Variants in USP18 observed in about 807,000 individuals in gnomAD.
The protein encoded by USP18 is ubl carboxyl-terminal hydrolase 18.
A neutral mutation model predicts 48.7 loss-of-function variants in USP18; 11 were observed. The observed-to-expected ratio is 0.23, with a 90% confidence interval of 0.14 to 0.37. USP18 has a LOEUF of 0.37. Ranked by LOEUF, USP18 falls within the 10% of genes least tolerant of loss-of-function variation. The probability of loss-of-function intolerance (pLI) is 1.00; values close to 1 mark genes in which losing one functional copy is unlikely to be tolerated. For missense variants in USP18, 285 were observed against 436.4 expected, an observed-to-expected ratio of 0.65 and a Z score of 3.09; for synonymous variants, 114 against 163.2, an observed-to-expected ratio of 0.70 and a Z score of 2.30.
chr22:18,156,084 A>G (rs1276861305), intron 1 of USP18, among the ~76,000 whole-genome samples: 1 of 152,206 alleles, frequency 6.6e-6, no homozygotes, highest in Non-Finnish European at 1.5e-5. Context: ...GGGTTTGTGA[A>G]TGCACCAGTC....
At chr22:18,163,449 CT>C (rs1470336006) in intron 4 of USP18, among the ~76,000 whole-genome samples, 5 of 152,124 alleles carry the variant, frequency 3.3e-5, no homozygotes, top group African/African-American at 9.6e-5. Context: ...GGAGACCATC[CT>C]GGCTAACACG....
At chr22:18,171,652 TA>T (rs991088357) in intron 8 of USP18, among the ~76,000 whole-genome samples, 20 of 146,010 alleles carry the variant, frequency 1.4e-4, no homozygotes, top group South Asian at 2.2e-4. Flanking sequence ...CAAGAAAAAC[TA>T]AAAAAAAAAG....
intron 4 of USP18, among the ~76,000 whole-genome samples, chr22:18,164,911 T>A (rs1011218808): frequency 3.9e-5 from 6 of 152,038 alleles, no homozygotes; most frequent in Non-Finnish European, 8.8e-5. Context: ...GATTCCTTCC[T>A]CACAGTAAGG....
At chr22:18,173,449 G>A (rs1321352039) in intron 9 of USP18, among the ~76,000 whole-genome samples, 168 bp downstream of exon 9, 1 of 152,156 alleles carries the variant, frequency 6.6e-6, no homozygotes, top group Non-Finnish European at 1.5e-5. Flanking sequence ...AAGTCCCCAT[G>A]TGGTTTGCAC....
intron 4 of USP18, among the ~76,000 whole-genome samples, chr22:18,164,335 T>TG (rs1929414780): frequency 6.6e-6 from 1 of 151,820 alleles, no homozygotes; most frequent in Admixed American, 6.6e-5. Context: ...GCACTGGGCC[T>TG]GGGGGGATGT....
At chr22:18,171,860 A>C (rs1190493224) in intron 8 of USP18, among the ~76,000 whole-genome samples, 14 of 152,102 alleles carry the variant, frequency 9.2e-5, no homozygotes, top group East Asian at 5.8e-4. Context: ...TGATTTCTTT[A>C]CCTACTTAGG....
chr22:18,159,427 CT>C (rs200610172), intron 2 of USP18, among the ~76,000 whole-genome samples: 3,179 of 152,054 alleles, frequency 0.021, 119 homozygotes, highest in African/African-American at 0.072. Flanking sequence ...TGAATGAACA[CT>C]TCGTACTTGA....
intron 9 of USP18, among the ~76,000 whole-genome samples, chr22:18,173,487 T>C (rs1437988833): frequency 1.3e-5 from 2 of 152,160 alleles, no homozygotes; most frequent in African/African-American, 4.8e-5. Context: ...TCACTTCACT[T>C]CTAAGTTTTT....
At chr22:18,154,591 C>T (rs1195929335) in intron 1 of USP18, among the ~76,000 whole-genome samples, 4 of 148,684 alleles carry the variant, frequency 2.7e-5, no homozygotes, top group African/African-American at 7.5e-5. Context: ...GGGCCACAGG[C>T]GTGCACCACT....
At chr22:18,161,156 T>C (rs142846420) in intron 3 of USP18, among the ~76,000 whole-genome samples, 1 of 151,276 alleles carries the variant, frequency 6.6e-6, no homozygotes, top group Non-Finnish European at 1.5e-5. Context: ...AAAGACAGAG[T>C]TGGGACTAGA....
rs2542133 is a variant in USP18, at chr22:18,161,935, T to C, written c.400T>C (p.Leu134=). The C allele has an allele frequency of 0.016, 25,277 of 1,607,872 alleles. 463 individuals are homozygous for C. The highest frequency in any genetic ancestry group is 0.09 in the African/African-American group (6,594 of 73,668). Residue 134 remains leucine (L), a splice_region_variant and synonymous_variant, in exon 4 of 11, where the codon TTG becomes CTG. Coordinates refer to ENST00000215794, the MANE Select transcript of USP18 (RefSeq NM_017414.4). ...CTGCCTGCAGAAGTGCAACGTGCCC[T>C]GTAAGATACCCTCCCACTGGGCTCC... ...AYCLQKCNVP[L]FVQHDAAQLY...
chr22:18,163,736 A>G (rs1286656039), intron 4 of USP18, among the ~76,000 whole-genome samples: 1 of 152,160 alleles, frequency 6.6e-6, no homozygotes, highest in Non-Finnish European at 1.5e-5. Context: ...GAACTTACCA[A>G]TTAGCCCTGC....
At chr22:18,166,259 A>G (rs1929475568) in intron 4 of USP18, among the ~76,000 whole-genome samples, 2 of 152,002 alleles carry the variant, frequency 1.3e-5, no homozygotes, top group African/African-American at 4.8e-5. Flanking sequence ...GTTCTCCTCA[A>G]CTCAAGATTT....
At chr22:18,169,206 C>T (rs1929561603) in intron 6 of USP18, among the ~76,000 whole-genome samples, 2 of 152,038 alleles carry the variant, frequency 1.3e-5, no homozygotes, top group Admixed American at 6.6e-5. Context: ...GAGGGTTTCT[C>T]GTGAATGGTT....
chr22:18,154,821 A>T (rs1438318613), intron 1 of USP18, among the ~76,000 whole-genome samples: 1 of 152,108 alleles, frequency 6.6e-6, no homozygotes, highest in Non-Finnish European at 1.5e-5. Context: ...ATTGACCTTG[A>T]TCCTTATGGC....
Position 18,167,961 on chromosome 22 carries a change from G to A in USP18, c.552G>A (p.Glu184=). ...TGATTTGCGTTGACTGTGCCATGGA[G>A]AGTAGCAGAAACAGCAGCATGCTCA... ...DSLICVDCAM[E]SSRNSSMLTL... The change falls in exon 6 of 11, where the codon GAG becomes GAA. Residue 184 remains glutamate, a synonymous_variant. Transcript: ENST00000215794. 3 of 1,614,122 alleles carry A rather than the reference G, an allele frequency of 1.9e-6. No individual in the cohort carries two copies. The highest frequency in any genetic ancestry group is 2.5e-6 in the Non-Finnish European group (3 of 1,180,032).
At chr22:18,156,395 T>C (rs1929140070) in intron 1 of USP18, among the ~76,000 whole-genome samples, 1 of 152,226 alleles carries the variant, frequency 6.6e-6, no homozygotes, top group Non-Finnish European at 1.5e-5. Flanking sequence ...GGAAGCTTTG[T>C]TGTTTCATTC....
intron 2 of USP18, 50 bp downstream of exon 2, chr22:18,157,870 G>A: frequency 6.2e-7 from 1 of 1,608,520 alleles, no homozygotes; most frequent in African/African-American, 1.3e-5. Flanking sequence ...GTAAATGTTC[G>A]GCTCACCCCC....
intron 6 of USP18, among the ~76,000 whole-genome samples, chr22:18,169,618 T>C (rs1282904629): frequency 6.6e-6 from 1 of 152,148 alleles, no homozygotes; most frequent in African/African-American, 2.4e-5. Flanking sequence ...AGACACCTGC[T>C]CCTGCTTGGC....
Sources: allele counts gnomAD v4.1 joint callset (sites outside exome capture counted in the v4.1 genomes callset), GRCh38; gene constraint gnomAD v4.1.1; transcripts MANE v1.5; gene names NCBI Gene and HGNC (gene_info 2026-07-23, HGNC 2026-07-21).